The following CNTNAP2 variants were observed in gnomAD, a reference collection of about 807,000 sequenced individuals.
The protein encoded by CNTNAP2 is contactin-associated protein-like 2.
CNTNAP2 carries 98 observed loss-of-function variants against 155.2 expected under a neutral mutation model. The ratio of observed to expected loss-of-function variants is 0.63; its 90% CI spans 0.54 to 0.75. The LOEUF (loss-of-function observed/expected upper bound fraction) is 0.75, where lower values mean the gene tolerates loss of function less well. CNTNAP2 is among the 30% of genes least tolerant of loss of function. CNTNAP2 has a pLI of 0.00. For missense variants in CNTNAP2, 1,727 were observed against 1,688.1 expected, an observed-to-expected ratio of 1.02 and a Z score of -0.40; for synonymous variants, 651 against 631.2, an observed-to-expected ratio of 1.03 and a Z score of -0.47.
At chr7:146,245,333 G>A (rs1799627787) in intron 1 of CNTNAP2, among the ~76,000 whole-genome samples, 1 of 152,118 alleles carries the variant, frequency 6.6e-6, no homozygotes, top group South Asian at 2.1e-4. Context: ...AGCTGAAGGA[G>A]CCAGGGAGCA....
intron 1 of CNTNAP2, among the ~76,000 whole-genome samples, chr7:146,459,757 G>A (rs1228787304): frequency 1.3e-5 from 2 of 152,090 alleles, no homozygotes; most frequent in Non-Finnish European, 2.9e-5. Flanking sequence ...AATTGCTTGA[G>A]GTCAGGAGTT....
chr7:148,069,840 TCAGA>T (rs1165251041), intron 15 of CNTNAP2, among the ~76,000 whole-genome samples: 2 of 151,598 alleles, frequency 1.3e-5, no homozygotes, highest in Non-Finnish European at 2.9e-5. Context: ...AAACTAAGAC[TCAGA>T]CAGAGATTTT....
chr7:148,169,744 G>A (rs1366836347), intron 17 of CNTNAP2, among the ~76,000 whole-genome samples: 4 of 152,284 alleles, frequency 2.6e-5, no homozygotes, highest in South Asian at 2.1e-4. Context: ...GGCAGATCAC[G>A]AGGTCAGGAG....
At chr7:146,805,872 GAAT>G (rs1802957972) in intron 2 of CNTNAP2, among the ~76,000 whole-genome samples, 2 of 152,174 alleles carry the variant, frequency 1.3e-5, no homozygotes, top group Non-Finnish European at 2.9e-5. Flanking sequence ...TTAACTATGT[GAAT>G]AATAAAGACC....
chr7:146,155,569 G>T (rs900115585), intron 1 of CNTNAP2, among the ~76,000 whole-genome samples: 1 of 151,824 alleles, frequency 6.6e-6, no homozygotes, highest in Non-Finnish European at 1.5e-5. Context: ...TATACACTTG[G>T]AATATGCAAT....
At chr7:147,872,718 C>T (rs1313535073) in intron 13 of CNTNAP2, among the ~76,000 whole-genome samples, 1 of 152,142 alleles carries the variant, frequency 6.6e-6, no homozygotes, top group African/African-American at 2.4e-5. Context: ...AACCTTTATC[C>T]AACAAACACC....
At chr7:146,415,076 G>A (rs2129112028) in intron 1 of CNTNAP2, among the ~76,000 whole-genome samples, 1 of 152,286 alleles carries the variant, frequency 6.6e-6, no homozygotes, top group East Asian at 1.9e-4. Context: ...TGTGCCTAGT[G>A]AAGCAAGTTA....
intron 14 of CNTNAP2, among the ~76,000 whole-genome samples, chr7:147,961,332 C>T (rs765844693): frequency 6.6e-6 from 1 of 152,082 alleles, no homozygotes; most frequent in South Asian, 2.1e-4. Context: ...TTTGACATTT[C>T]CTGGAGAAGT....
intron 21 of CNTNAP2, among the ~76,000 whole-genome samples, chr7:148,296,310 C>A (rs1256578191): frequency 6.6e-6 from 1 of 151,880 alleles, no homozygotes; most frequent in Admixed American, 6.6e-5. Flanking sequence ...CTGAGGTGGG[C>A]AGATTGCCTG....
At chr7:148,214,834 G>T (rs1795609125) in intron 18 of CNTNAP2, among the ~76,000 whole-genome samples, 1 of 152,180 alleles carries the variant, frequency 6.6e-6, no homozygotes, top group African/African-American at 2.4e-5. Context: ...CTACCAAAGT[G>T]CTGGGATTAC....
intron 4 of CNTNAP2, among the ~76,000 whole-genome samples, chr7:147,093,430 G>A (rs372360049): frequency 7.2e-5 from 11 of 151,954 alleles, no homozygotes; most frequent in African/African-American, 1.7e-4. Flanking sequence ...TTGTGTAAAG[G>A]TAAATAAATG....
intron 2 of CNTNAP2, among the ~76,000 whole-genome samples, chr7:146,828,234 T>G (rs1803444763): frequency 6.6e-6 from 1 of 152,058 alleles, no homozygotes; most frequent in Non-Finnish European, 1.5e-5. Context: ...CAGTCAAGTG[T>G]TACTTAGCTG....
Position 148,383,749 on chromosome 7 carries a change from CG to C in CNTNAP2, c.3577del (p.Ala1193ProfsTer2). On this transcript the variant is annotated frameshift_variant, in exon 22 of 24. Transcript: ENST00000361727. LOFTEE classifies it high-confidence loss of function. Reference protein sequence around the residue: ...QFNQIAPLKAALRQTNASAHV... With the variant: ...QFNQIAPLKAXLRQTNASAHV... ...TCAACCAGATCGCCCCTCTCAAGGC[CG>C]CCTTGAGGCAGACAAACGCCTCGGC... 6.2e-7 allele frequency: 1 copy of C among 1,614,182 alleles called. No homozygotes were observed. The highest frequency in any genetic ancestry group is 1.1e-5 in the South Asian group (1 of 91,084).
rs113456834 is a variant in CNTNAP2, at chr7:146,646,516, A to G, written c.98-127755A>G. ...CATAACATAAATATACATTATAGGT[A>G]AAAGTATATATACACACAGTAGTTA... On this transcript the variant is annotated intron_variant, in intron 1 of 23. Transcript: ENST00000361727. 3.0e-3 allele frequency among the ~76,000 whole-genome samples: 452 copies of G among 152,306 alleles called. 2 individuals carry two copies. Among genetic ancestry groups the G allele is most frequent in the African/African-American group, 0.01 (417 of 41,568 alleles).
chr7:148,184,290 T>C (rs939848273), intron 18 of CNTNAP2, among the ~76,000 whole-genome samples: 1 of 152,128 alleles, frequency 6.6e-6, no homozygotes, highest in Admixed American at 6.6e-5. Context: ...TATCTAAAAA[T>C]AAATTGACAT....
chr7:147,008,621 T>C (rs959376217), intron 3 of CNTNAP2, among the ~76,000 whole-genome samples: 1 of 152,134 alleles, frequency 6.6e-6, no homozygotes, highest in African/African-American at 2.4e-5. Flanking sequence ...CCGTCATAAG[T>C]AACTCAAAGG....
At chr7:147,481,636 A>G (rs1030935834) in intron 10 of CNTNAP2, among the ~76,000 whole-genome samples, 1 of 152,224 alleles carries the variant, frequency 6.6e-6, no homozygotes, top group African/African-American at 2.4e-5. Context: ...ATTCTAAAGC[A>G]TTTTGAAAGC....
intron 14 of CNTNAP2, among the ~76,000 whole-genome samples, chr7:147,908,710 T>C (rs565742535): frequency 2.6e-5 from 4 of 152,328 alleles, no homozygotes; most frequent in Non-Finnish European, 5.9e-5. Flanking sequence ...AACTCACATA[T>C]GTTAAACCAC....
chr7:147,586,539 A>AAGGAAGGAAGGGAGGGAGGAAGGG (rs1563009735), intron 12 of CNTNAP2, among the ~76,000 whole-genome samples: 2 of 54,902 alleles, frequency 3.6e-5, no homozygotes, highest in African/African-American at 1.5e-4. Context: ...GGAAGGAAGG[A>AAGGAAGGAAGGGAGGGAGGAAGGG]AGGAAGGGAG....
Sources: allele counts gnomAD v4.1 joint callset (sites outside exome capture counted in the v4.1 genomes callset), GRCh38; gene constraint gnomAD v4.1.1; transcripts MANE v1.5; gene names NCBI Gene and HGNC (gene_info 2026-07-23, HGNC 2026-07-21).